LANCL3: variants seen among roughly 807,000 people sequenced by gnomAD.
The protein encoded by LANCL3 is lanC-like protein 3.
A neutral mutation model predicts 26.5 loss-of-function variants in LANCL3; 19 were observed. The ratio of observed to expected loss-of-function variants is 0.72; its 90% CI spans 0.50 to 1.05. LANCL3 has a LOEUF of 1.05. Among genes scored for constraint, LANCL3 ranks in the 50% least tolerant of loss-of-function variants. The pLI is 0.00. For missense variants in LANCL3, 318 were observed against 362.7 expected (o/e 0.88, Z 1.00); for synonymous variants, 160 against 166.6 (o/e 0.96, Z 0.30).
intron 3 of LANCL3, among the ~76,000 whole-genome samples, chrX:37,661,532 C>T (rs1926422852): frequency 9.1e-6 from 1 of 109,987 alleles, no homozygotes; most frequent in African/African-American, 3.3e-5. Context: ...TTTTACCAAC[C>T]CCTATCCCCA....
intron 1 of LANCL3, among the ~76,000 whole-genome samples, chrX:37,587,504 C>G (rs1369907807): frequency 8.9e-6 from 1 of 112,738 alleles, no homozygotes; most frequent in Admixed American, 9.3e-5. Flanking sequence ...GGCGGGCGCC[C>G]CTCCCCCAGC....
intron 1 of LANCL3, among the ~76,000 whole-genome samples, chrX:37,590,742 A>T (rs1322330001): frequency 2.7e-5 from 3 of 111,541 alleles, no homozygotes; most frequent in Non-Finnish European, 5.6e-5. Context: ...TTTAATCTCC[A>T]TGTGGGTCTG....
chrX:37,624,660 C>A (rs1556422772), intron 1 of LANCL3, among the ~76,000 whole-genome samples: 1 of 111,954 alleles, frequency 8.9e-6, no homozygotes, highest in Non-Finnish European at 1.9e-5. Flanking sequence ...TACCTAGTGT[C>A]AGACACATTT....
chrX:37,639,279 A>G (rs896938871), intron 1 of LANCL3, among the ~76,000 whole-genome samples: 3 of 102,781 alleles, frequency 2.9e-5, no homozygotes, highest in African/African-American at 7.0e-5. Flanking sequence ...ATACATGTAT[A>G]TATGTGTGTG....
chrX:37,588,766 C>T (rs376612589), intron 1 of LANCL3, among the ~76,000 whole-genome samples: 74 of 112,091 alleles, frequency 6.6e-4, no homozygotes, highest in Admixed American at 5.3e-3. Flanking sequence ...CATAAAGAAG[C>T]GGTTTTTCAG....
intron 3 of LANCL3, among the ~76,000 whole-genome samples, chrX:37,664,420 C>T (rs1926493070): frequency 8.9e-6 from 1 of 112,037 alleles, no homozygotes; most frequent in Non-Finnish European, 1.9e-5. Flanking sequence ...AGCAGATGCC[C>T]AATTAATATA....
intron 1 of LANCL3, among the ~76,000 whole-genome samples, chrX:37,649,517 A>G (rs1433207861): frequency 5.4e-5 from 6 of 111,679 alleles, no homozygotes; most frequent in African/African-American, 1.6e-4. Context: ...AACCACCATG[A>G]CACACGTATA....
chrX:37,614,045 C>T (rs1250895179), intron 1 of LANCL3, among the ~76,000 whole-genome samples: 2 of 112,189 alleles, frequency 1.8e-5, no homozygotes, highest in Admixed American at 9.4e-5. Context: ...AGTAAACCCA[C>T]ATTCCTGCCA....
chrX:37,603,577 A>G (rs1424359857), intron 1 of LANCL3, among the ~76,000 whole-genome samples: 2 of 112,257 alleles, frequency 1.8e-5, no homozygotes, highest in African/African-American at 6.5e-5. Context: ...GAAGAACCCC[A>G]CTGTGGTTCT....
At chrX:37,642,301 C>T (rs1454405773) in intron 1 of LANCL3, among the ~76,000 whole-genome samples, 3 of 111,738 alleles carry the variant, frequency 2.7e-5, no homozygotes, top group African/African-American at 9.8e-5. Context: ...TTTATGGCTG[C>T]CCAGTTTATG....
intron 1 of LANCL3, among the ~76,000 whole-genome samples, chrX:37,591,171 A>G (rs1466272571): frequency 1.8e-5 from 2 of 112,008 alleles, no homozygotes; most frequent in African/African-American, 3.2e-5. Flanking sequence ...TCACACAGCT[A>G]GTAAAGTAGT....
chrX:37,660,523 G>A (rs1926392139), intron 3 of LANCL3, among the ~76,000 whole-genome samples: 1 of 111,206 alleles, frequency 9.0e-6, no homozygotes, highest in Non-Finnish European at 1.9e-5. Context: ...CACAGAAGGG[G>A]TAATTTGAAA....
At chrX:37,598,298 C>T (rs1602101184) in intron 1 of LANCL3, among the ~76,000 whole-genome samples, 1 of 111,599 alleles carries the variant, frequency 9.0e-6, no homozygotes, top group East Asian at 2.8e-4. Flanking sequence ...CCTTGGCTGC[C>T]CATTAGGATC....
intron 1 of LANCL3, among the ~76,000 whole-genome samples, chrX:37,580,212 A>G (rs1465350700): frequency 9.0e-6 from 1 of 111,574 alleles, no homozygotes; most frequent in East Asian, 2.8e-4. Flanking sequence ...TTACAGATCT[A>G]CCAGGAAGCA....
intron 1 of LANCL3, among the ~76,000 whole-genome samples, chrX:37,613,864 G>A (rs1924941875): frequency 1.8e-5 from 2 of 112,298 alleles, no homozygotes; most frequent in African/African-American, 6.5e-5. Context: ...GCATGGATTC[G>A]ATAGCAACTA....
chrX:37,650,986 T>G (rs1556428719), intron 1 of LANCL3, among the ~76,000 whole-genome samples: 2 of 107,732 alleles, frequency 1.9e-5, no homozygotes, highest in African/African-American at 6.8e-5. Flanking sequence ...GGTGTTTGGT[T>G]TTCTGTCCTT....
At chrX:37,628,152 CAT>C (rs1925368300) in intron 1 of LANCL3, among the ~76,000 whole-genome samples, 1 of 111,477 alleles carries the variant, frequency 9.0e-6, no homozygotes. Flanking sequence ...CTTGAAATAA[CAT>C]AATTTTAAAA....
intron 1 of LANCL3, among the ~76,000 whole-genome samples, chrX:37,588,660 A>G (rs1337282398): frequency 1.1e-4 from 12 of 111,790 alleles, no homozygotes; most frequent in Admixed American, 2.8e-4. Flanking sequence ...GTTTTGTGTA[A>G]GATCAGATTT....
chrX:37,605,800 A>G (rs1924695992), intron 1 of LANCL3, among the ~76,000 whole-genome samples: 1 of 111,455 alleles, frequency 9.0e-6, no homozygotes, highest in African/African-American at 3.3e-5. Flanking sequence ...AATACAACAC[A>G]CTGCCACGCT....
Sources: gnomAD v4.1 joint callset for allele counts (sites outside exome capture counted in the v4.1 genomes callset) on GRCh38, gnomAD v4.1.1 for gene constraint, MANE v1.5 for transcripts, NCBI Gene and HGNC (gene_info 2026-07-23, HGNC 2026-07-21) for gene names.